The following THRB variants were observed in gnomAD, a reference collection of about 807,000 sequenced individuals.
The protein encoded by THRB is thyroid hormone receptor beta.
THRB carries 12 observed loss-of-function variants against 47.8 expected under a neutral mutation model. The observed-to-expected ratio is 0.25, with a 90% CI of 0.16 to 0.41. The LOEUF (loss-of-function observed/expected upper bound fraction) is 0.41, where lower values mean the gene tolerates loss of function less well. Among genes scored for constraint, THRB ranks in the 10% least tolerant of loss-of-function variants. The pLI, the probability that THRB is intolerant of heterozygous loss-of-function variation, is 1.00. For synonymous variants in THRB, 218 were observed against 212.2 expected (o/e 1.03, Z -0.24); for missense variants, 348 against 589.2 (o/e 0.59, Z 4.24).
intron 3 of THRB, among the ~76,000 whole-genome samples, chr3:24,265,646 A>G (rs894684676): frequency 1.3e-5 from 2 of 152,198 alleles, no homozygotes; most frequent in Non-Finnish European, 2.9e-5. Context: ...TATTACTAAC[A>G]TATTTTAAAG....
At chr3:24,334,048 A>G (rs1371032159) in intron 2 of THRB, among the ~76,000 whole-genome samples, 1 of 152,172 alleles carries the variant, frequency 6.6e-6, no homozygotes, top group Non-Finnish European at 1.5e-5. Context: ...CCTTAGCTGT[A>G]TTTCTGCCGC....
intron 7 of THRB, 70 bp downstream of exon 7, chr3:24,146,605 C>T (rs894440034): frequency 1.7e-5 from 26 of 1,543,204 alleles, no homozygotes; most frequent in African/African-American, 1.2e-4. Context: ...TCTGCCCAGT[C>T]GATCTCCTTG....
At chr3:24,316,032 C>A (rs2058090769) in intron 2 of THRB, among the ~76,000 whole-genome samples, 1 of 152,130 alleles carries the variant, frequency 6.6e-6, no homozygotes, top group Non-Finnish European at 1.5e-5. Flanking sequence ...CTCTTGTTTG[C>A]TCCTGAGGTG....
chr3:24,133,177 T>C (rs2034130528), intron 9 of THRB, 139 bp downstream of exon 9: 2 of 887,140 alleles, frequency 2.3e-6, no homozygotes, highest in South Asian at 3.0e-5. Context: ...ATAGAATGCA[T>C]TTTCGTTTTG....
At chr3:24,278,210 G>C (rs961199849) in intron 3 of THRB, among the ~76,000 whole-genome samples, 9 of 152,138 alleles carry the variant, frequency 5.9e-5, no homozygotes, top group African/African-American at 2.2e-4. Flanking sequence ...TTATTTATTT[G>C]ATAAAATATA....
At chr3:24,314,714 T>C (rs2057996796) in intron 2 of THRB, among the ~76,000 whole-genome samples, 1 of 152,210 alleles carries the variant, frequency 6.6e-6, no homozygotes, top group African/African-American at 2.4e-5. Context: ...CTTTCAGCCT[T>C]TCTTTGTAAC....
At chr3:24,248,218 T>C (rs774349580) in intron 3 of THRB, among the ~76,000 whole-genome samples, 1 of 152,050 alleles carries the variant, frequency 6.6e-6, no homozygotes, top group South Asian at 2.1e-4. Flanking sequence ...GGTAGGAGTA[T>C]ATACAAATGA....
chr3:24,205,350 A>T (rs1325902446), intron 4 of THRB, among the ~76,000 whole-genome samples: 1 of 152,242 alleles, frequency 6.6e-6, no homozygotes, highest in Non-Finnish European at 1.5e-5. Context: ...GCCATTCAAC[A>T]TTCTTAAAGA....
At chr3:24,330,541 TC>T (rs1205792272) in intron 2 of THRB, among the ~76,000 whole-genome samples, 1 of 152,230 alleles carries the variant, frequency 6.6e-6, no homozygotes, top group African/African-American at 2.4e-5. Context: ...TCTCTCTCTC[TC>T]ATCTCTCACC....
At chr3:24,490,488 T>G (rs1048828415) in intron 1 of THRB, among the ~76,000 whole-genome samples, 1 of 152,204 alleles carries the variant, frequency 6.6e-6, no homozygotes, top group African/African-American at 2.4e-5. Context: ...CCTGTGCCCA[T>G]GTACCAAGCT....
At position 24,392,941 on chromosome 3, in the gene THRB, T is replaced by C. The variant is rs138385429; in HGVS notation, c.-260-55570A>G. 5.6e-3 allele frequency among the ~76,000 whole-genome samples: 858 copies of C among 152,292 alleles called. 3 individuals are homozygous for C. Among genetic ancestry groups the C allele is most frequent in the Middle Eastern group, 0.017 (5 of 294 alleles). On this transcript the variant is annotated intron_variant, in intron 1 of 10. Coordinates refer to ENST00000646209, the MANE Select transcript of THRB (RefSeq NM_001354712.2). ...CCAGAAAGTTTTTTAAAAGGACATATATAATAATGTGACCTAATAAAAATA... is the reference window on the plus strand; with the variant it reads ...CCAGAAAGTTTTTTAAAAGGACATACATAATAATGTGACCTAATAAAAATA...
chr3:24,132,961 C>T (rs1016269949), intron 9 of THRB, among the ~76,000 whole-genome samples: 10 of 152,176 alleles, frequency 6.6e-5, no homozygotes, highest in African/African-American at 2.2e-4. Flanking sequence ...CCCTGCAAAT[C>T]GGTTAGAAGG....
Position 24,194,163 on chromosome 3 carries a change from G to A in THRB, c.23-3829C>T, listed in dbSNP as rs144077930. 1.7e-3 allele frequency among the ~76,000 whole-genome samples: 264 copies of A among 152,268 alleles called. 1 individual carries two copies. Among genetic ancestry groups the A allele is most frequent in the Middle Eastern group, 0.01 (3 of 294 alleles). ...TGAGGGATAAAAGACTACACATTGG[G>A]TACAGTGTACACTGCTCAGGTGGTG... On this transcript the variant is annotated intron_variant, in intron 4 of 10. Coordinates refer to ENST00000646209, the MANE Select transcript of THRB (RefSeq NM_001354712.2).
chr3:24,282,756 A>C (rs2054759961), intron 3 of THRB, among the ~76,000 whole-genome samples: 1 of 150,008 alleles, frequency 6.7e-6, no homozygotes, highest in Non-Finnish European at 1.5e-5. Flanking sequence ...AGAGGATATC[A>C]CCACCGATCC....
At chr3:24,480,317 G>C (rs554822040) in intron 1 of THRB, among the ~76,000 whole-genome samples, 1 of 152,268 alleles carries the variant, frequency 6.6e-6, no homozygotes, top group South Asian at 2.1e-4. Flanking sequence ...CCCTTAGGAG[G>C]GGCCTCAGGA....
At chr3:24,145,151 C>T (rs542033780) in intron 7 of THRB, among the ~76,000 whole-genome samples, 204 of 151,686 alleles carry the variant, frequency 1.3e-3, no homozygotes, top group Non-Finnish European at 1.9e-3. Flanking sequence ...CAAATGCTTC[C>T]GGTGTGCCAG....
chr3:24,383,799 C>T (rs909894876), intron 1 of THRB, among the ~76,000 whole-genome samples: 4 of 152,114 alleles, frequency 2.6e-5, no homozygotes, highest in Admixed American at 6.6e-5. Context: ...AATTCAGTCA[C>T]GTTGTCAAAG....
chr3:24,252,158 T>G (rs539184023), intron 3 of THRB, among the ~76,000 whole-genome samples: 19 of 152,218 alleles, frequency 1.2e-4, no homozygotes, highest in African/African-American at 4.6e-4. Flanking sequence ...ATGAATGTTA[T>G]CCTGTAAGAA....
intron 4 of THRB, among the ~76,000 whole-genome samples, chr3:24,199,796 AAAC>A (rs981956417): frequency 2.6e-5 from 4 of 152,210 alleles, no homozygotes; most frequent in African/African-American, 9.7e-5. Context: ...AAGCAAAACA[AAAC>A]AACGTGTGTT....
Sources: allele counts gnomAD v4.1 joint callset (sites outside exome capture counted in the v4.1 genomes callset), GRCh38; gene constraint gnomAD v4.1.1; transcripts MANE v1.5; gene names NCBI Gene and HGNC (gene_info 2026-07-23, HGNC 2026-07-21).